Variants in RANBP9 observed in about 807,000 individuals in gnomAD.
The protein encoded by RANBP9 is RAN binding protein 9.
RANBP9 carries 15 observed loss-of-function variants against 84.3 expected under a neutral mutation model. The observed-to-expected ratio is 0.18, with a 90% CI of 0.12 to 0.27. The LOEUF (loss-of-function observed/expected upper bound fraction) is 0.27. RANBP9 is among the 10% of genes least tolerant of loss of function. RANBP9 has a pLI of 1.00. For missense variants in RANBP9, 809 were observed against 912.8 expected (o/e 0.89, Z 1.46); for synonymous variants, 392 against 349.6 (o/e 1.12, Z -1.35).
At chr6:13,685,725 C>A (rs766857935) in intron 2 of RANBP9, among the ~76,000 whole-genome samples, 66 of 152,170 alleles carry the variant, frequency 4.3e-4, no homozygotes, top group Middle Eastern at 3.4e-3. Flanking sequence ...GTCAAGAGAT[C>A]GAGACCATCC....
intron 2 of RANBP9, among the ~76,000 whole-genome samples, chr6:13,683,464 A>T (rs1766093076): frequency 1.3e-5 from 2 of 152,296 alleles, no homozygotes; most frequent in South Asian, 4.1e-4. Context: ...CTGAATTTTC[A>T]ATTAAATTTA....
At chr6:13,670,718 T>C (rs1017485446) in intron 2 of RANBP9, among the ~76,000 whole-genome samples, 1 of 148,186 alleles carries the variant, frequency 6.7e-6, no homozygotes, top group Non-Finnish European at 1.5e-5. Context: ...GAGAATGGTG[T>C]GAACCCGGGA....
At chr6:13,624,344 C>G (rs780817475) in intron 13 of RANBP9, among the ~76,000 whole-genome samples, 1 of 152,186 alleles carries the variant, frequency 6.6e-6, no homozygotes, top group Non-Finnish European at 1.5e-5. Flanking sequence ...CTAAACTACT[C>G]TTTAATCTAC....
chr6:13,710,869 G>C (rs867292079), intron 1 of RANBP9, 66 bp downstream of exon 1: 5 of 1,487,650 alleles, frequency 3.4e-6, no homozygotes, highest in Non-Finnish European at 4.5e-6. Context: ...GGTCGAGAGC[G>C]GCGCAGCGGC....
intron 8 of RANBP9, among the ~76,000 whole-genome samples, chr6:13,640,174 T>TA (rs1765032354): frequency 6.6e-6 from 1 of 152,166 alleles, no homozygotes; most frequent in African/African-American, 2.4e-5. Context: ...CCCAACCTCT[T>TA]AACCAAAATG....
intron 2 of RANBP9, among the ~76,000 whole-genome samples, chr6:13,685,103 A>C (rs1766141371): frequency 6.6e-6 from 1 of 152,220 alleles, no homozygotes; most frequent in Non-Finnish European, 1.5e-5. Flanking sequence ...GGCCATGTGC[A>C]TCATAAGCCT....
At chr6:13,684,429 T>C (rs1766120203) in intron 2 of RANBP9, among the ~76,000 whole-genome samples, 1 of 152,220 alleles carries the variant, frequency 6.6e-6, no homozygotes, top group African/African-American at 2.4e-5. Context: ...AAATGGTCCA[T>C]TTAGATATTC....
intron 2 of RANBP9, among the ~76,000 whole-genome samples, chr6:13,666,061 C>A: frequency 6.6e-6 from 1 of 152,122 alleles, no homozygotes; most frequent in Non-Finnish European, 1.5e-5. Flanking sequence ...TGGGCATACA[C>A]ATCTGCAAAA....
chr6:13,668,523 A>C (rs759227875), intron 2 of RANBP9, among the ~76,000 whole-genome samples: 4 of 152,168 alleles, frequency 2.6e-5, no homozygotes, highest in Non-Finnish European at 5.9e-5. Context: ...ATAAATCATG[A>C]CCAAATGGGA....
chr6:13,638,730 G>A (rs1419203631), intron 9 of RANBP9, among the ~76,000 whole-genome samples: 1 of 152,052 alleles, frequency 6.6e-6, no homozygotes, highest in Admixed American at 6.6e-5. Context: ...GCCAAGAAAG[G>A]AGAGAATTTT....
intron 1 of RANBP9, 124 bp downstream of exon 1, chr6:13,710,811 G>A (rs1561701155): frequency 4.8e-6 from 5 of 1,047,012 alleles, no homozygotes; most frequent in Non-Finnish European, 6.7e-6. Flanking sequence ...ACAACAGGCG[G>A]CGAGTGGCCT....
intron 2 of RANBP9, among the ~76,000 whole-genome samples, chr6:13,689,527 G>A (rs543402924): frequency 6.6e-6 from 1 of 152,120 alleles, no homozygotes; most frequent in South Asian, 2.1e-4. Flanking sequence ...ACCCGCTTCG[G>A]GCTCTCTAAG....
In RANBP9 at chr6:13,674,037, T is replaced by A. The variant is rs915749329; in HGVS notation, c.684-15205A>T. Among the ~76,000 whole-genome samples, 4 of 148,664 alleles carry A rather than the reference T, an allele frequency of 2.7e-5. No individual in the cohort carries two copies. The East Asian group carries it at 7.9e-4, about 29-fold the overall frequency. ...AAGTCAAGGCTGCAGTGAGCTGAGA[T>A]CCCGCCACTGCACTCCAGCCTGGGT... On this transcript the variant is annotated intron_variant, in intron 2 of 13. Transcript: ENST00000011619.
intron 2 of RANBP9, among the ~76,000 whole-genome samples, chr6:13,680,462 G>A (rs1318550923): frequency 6.6e-6 from 1 of 152,096 alleles, no homozygotes; most frequent in Non-Finnish European, 1.5e-5. Flanking sequence ...ACATGGCTGG[G>A]TACAGTGGTT....
chr6:13,709,669 C>A (rs114832046), intron 1 of RANBP9, among the ~76,000 whole-genome samples: 2 of 152,096 alleles, frequency 1.3e-5, no homozygotes, highest in African/African-American at 4.8e-5. Context: ...GGATGTATGG[C>A]GAGAATAAAA....
intron 2 of RANBP9, among the ~76,000 whole-genome samples, chr6:13,694,049 A>C (rs1351368316): frequency 6.6e-6 from 1 of 152,204 alleles, no homozygotes; most frequent in Non-Finnish European, 1.5e-5. Flanking sequence ...GCTCAGGAAA[A>C]AAACAAAAAC....
At chr6:13,632,255 A>G in intron 12 of RANBP9, 115 bp downstream of exon 12, 4 of 959,116 alleles carry the variant, frequency 4.2e-6, no homozygotes, top group Non-Finnish European at 6.0e-6. Flanking sequence ...AGCCAGGGGG[A>G]AGGTCAGGTC....
intron 2 of RANBP9, among the ~76,000 whole-genome samples, chr6:13,676,976 G>A (rs897731561): frequency 4.8e-4 from 73 of 152,026 alleles, no homozygotes; most frequent in Non-Finnish European, 2.4e-4. Flanking sequence ...TTCCTTTTAC[G>A]GCTCTTATTC....
chr6:13,631,364 T>C (rs1310648403), intron 12 of RANBP9, among the ~76,000 whole-genome samples: 2 of 152,216 alleles, frequency 1.3e-5, no homozygotes, highest in Non-Finnish European at 2.9e-5. Flanking sequence ...TGTCCTACAC[T>C]TGTGCTATGT....
Sources: gnomAD v4.1 joint callset for allele counts (sites outside exome capture counted in the v4.1 genomes callset) on GRCh38, gnomAD v4.1.1 for gene constraint, MANE v1.5 for transcripts, NCBI Gene and HGNC (gene_info 2026-07-23, HGNC 2026-07-21) for gene names.